C12orf54: variants seen among roughly 807,000 people sequenced by gnomAD.
The protein encoded by C12orf54 is chromosome 12 open reading frame 54, also known as uncharacterized protein C12orf54.
In C12orf54, 24 loss-of-function variants were observed where a neutral mutation model predicts 26.4. The ratio of observed to expected loss-of-function variants is 0.91; its 90% CI spans 0.66 to 1.28. C12orf54 has a LOEUF of 1.28. Among genes scored for constraint, C12orf54 ranks in the 50% most tolerant of loss-of-function variants. C12orf54 has a pLI of 0.00. For synonymous variants in C12orf54, 54 were observed against 47.0 expected (o/e 1.15, Z -0.61); for missense variants, 154 against 150.9 (o/e 1.02, Z -0.11).
chr12:48,447,909 AG>A, the C12orf54 span, among the ~76,000 whole-genome samples: 1 of 152,234 alleles, frequency 6.6e-6, no homozygotes, highest in East Asian at 1.9e-4. Flanking sequence ...AGAGATTTAA[AG>A]CATAAGAGGA....
chr12:48,419,024 T>C, the C12orf54 span, among the ~76,000 whole-genome samples: 1 of 151,926 alleles, frequency 6.6e-6, no homozygotes, highest in Admixed American at 6.6e-5. Context: ...ACAGCAGAAA[T>C]ATCAATGTTC....
the C12orf54 span, chr12:48,472,617 T>G: frequency 6.2e-7 from 1 of 1,607,806 alleles, no homozygotes; most frequent in Non-Finnish European, 8.5e-7. Context: ...CGGGGTTTAT[T>G]GGTTGAATTC....
chr12:48,479,292 C>T (rs1954174902), upstream of C12orf54, among the ~76,000 whole-genome samples: 1 of 152,098 alleles, frequency 6.6e-6, no homozygotes, highest in Non-Finnish European at 1.5e-5. Flanking sequence ...TATTCTCACT[C>T]ATAGGTGGGA....
chr12:48,432,167 T>C, the C12orf54 span, among the ~76,000 whole-genome samples: 2 of 152,252 alleles, frequency 1.3e-5, no homozygotes, highest in Non-Finnish European at 2.9e-5. Context: ...CATGCACTGA[T>C]ACAATTTGTT....
At chr12:48,496,052 G>C (rs950714607) in intron 8 of C12orf54, 129 bp from the exon 9 acceptor site, 20 of 152,230 alleles carry the variant, frequency 1.3e-4, no homozygotes, top group African/African-American at 4.8e-4. Flanking sequence ...TCTTGGGATG[G>C]GGTCATGAGG....
the C12orf54 span, among the ~76,000 whole-genome samples, chr12:48,452,641 T>C: frequency 6.6e-6 from 1 of 152,002 alleles, no homozygotes; most frequent in Non-Finnish European, 1.5e-5. Flanking sequence ...TATAAGGAAC[T>C]TAAACAAATT....
At chr12:48,430,921 G>A in the C12orf54 span, among the ~76,000 whole-genome samples, 1 of 149,842 alleles carries the variant, frequency 6.7e-6, no homozygotes, top group African/African-American at 2.5e-5. Context: ...TCAACGAGTG[G>A]GTAAAGAAAC....
the C12orf54 span, among the ~76,000 whole-genome samples, chr12:48,424,763 A>T: frequency 6.6e-6 from 1 of 152,160 alleles, no homozygotes; most frequent in African/African-American, 2.4e-5. Flanking sequence ...ATATATGTGT[A>T]TGGTGGAATG....
the C12orf54 span, among the ~76,000 whole-genome samples, chr12:48,461,247 A>G: frequency 6.6e-6 from 1 of 152,024 alleles, no homozygotes; most frequent in African/African-American, 2.4e-5. Flanking sequence ...AATATATGTC[A>G]CAAAGACAGA....
the C12orf54 span, among the ~76,000 whole-genome samples, chr12:48,421,441 A>G: frequency 6.8e-6 from 1 of 147,868 alleles, no homozygotes; most frequent in African/African-American, 2.5e-5. Flanking sequence ...TGCCTCCAAC[A>G]TTGGGAATTA....
At chr12:48,470,722 A>T in the C12orf54 span, among the ~76,000 whole-genome samples, 9 of 151,944 alleles carry the variant, frequency 5.9e-5, no homozygotes, top group Non-Finnish European at 1.2e-4. Flanking sequence ...TTGGGGACTT[A>T]GCCAAAAATT....
At chr12:48,425,307 C>A in the C12orf54 span, among the ~76,000 whole-genome samples, 3 of 152,084 alleles carry the variant, frequency 2.0e-5, no homozygotes, top group African/African-American at 7.2e-5. Context: ...TCATTTCACT[C>A]CCATTTATAA....
At chr12:48,466,050 G>A in the C12orf54 span, among the ~76,000 whole-genome samples, 27 of 152,112 alleles carry the variant, frequency 1.8e-4, no homozygotes, top group African/African-American at 6.3e-4. Context: ...TTTCTAAAAG[G>A]AAAAATTGAT....
chr12:48,443,817 C>G, the C12orf54 span, among the ~76,000 whole-genome samples: 68,781 of 152,026 alleles, frequency 0.45, 17,490 homozygotes, highest in Middle Eastern at 0.6. Flanking sequence ...ACTGACTACA[C>G]CATTTTGGCC....
the C12orf54 span, among the ~76,000 whole-genome samples, chr12:48,425,980 A>G: frequency 6.8e-6 from 1 of 147,030 alleles, no homozygotes; most frequent in Non-Finnish European, 1.5e-5. Context: ...GATGCTGAAT[A>G]TTAGAACTTT....
At chr12:48,459,537 G>A in the C12orf54 span, among the ~76,000 whole-genome samples, 1 of 152,250 alleles carries the variant, frequency 6.6e-6, no homozygotes, top group Non-Finnish European at 1.5e-5. Context: ...CCCATCTAGA[G>A]AGGACATGTC....
chr12:48,414,785 A>G, the C12orf54 span, among the ~76,000 whole-genome samples: 2 of 152,128 alleles, frequency 1.3e-5, no homozygotes, highest in Admixed American at 6.6e-5. Context: ...CTAGGGAAAG[A>G]CCATGGAGTG....
the C12orf54 span, among the ~76,000 whole-genome samples, chr12:48,445,867 A>C: frequency 6.6e-6 from 1 of 152,172 alleles, no homozygotes; most frequent in Non-Finnish European, 1.5e-5. Flanking sequence ...TGAGGAGCAG[A>C]CCAAAACATC....
At chr12:48,457,243 G>C in the C12orf54 span, among the ~76,000 whole-genome samples, 1 of 152,004 alleles carries the variant, frequency 6.6e-6, no homozygotes, top group Non-Finnish European at 1.5e-5. Context: ...CCGTAAGCTT[G>C]GTGCCAAATG....
Sources: allele counts gnomAD v4.1 joint callset (sites outside exome capture counted in the v4.1 genomes callset), GRCh38; gene constraint gnomAD v4.1.1; transcripts MANE v1.5; gene names NCBI Gene and HGNC (gene_info 2026-07-23, HGNC 2026-07-21).